The following NAA60 variants were observed in gnomAD, a reference collection of about 807,000 sequenced individuals.
NAA60 encodes N-alpha-acetyltransferase 60, NatF catalytic subunit.
NAA60 carries 8 observed loss-of-function variants against 26.1 expected under a neutral mutation model. The observed-to-expected ratio is 0.31, with a 90% CI of 0.18 to 0.55. NAA60 has a LOEUF of 0.55. NAA60 is among the 20% of genes least tolerant of loss of function. The pLI is 0.93. For missense variants in NAA60, 290 were observed against 311.3 expected (o/e 0.93, Z 0.51); for synonymous variants, 131 against 122.5 (o/e 1.07, Z -0.46).
intron 5 of NAA60, chr16:3,482,987 T>C (rs1218785035): frequency 4.3e-6 from 2 of 466,000 alleles, no homozygotes; most frequent in South Asian, 2.5e-5. Flanking sequence ...GTTTCTCCGA[T>C]GTCCCACCCC....
At chr16:3,444,314 C>G (rs961507311) in intron 1 of NAA60, among the ~76,000 whole-genome samples, 8 of 152,114 alleles carry the variant, frequency 5.3e-5, no homozygotes, top group African/African-American at 1.4e-4. Context: ...GGTTGGTAAT[C>G]TTGGCCAGTT....
chr16:3,449,887 A>G (rs546699601), intron 2 of NAA60: 7 of 388,482 alleles, frequency 1.8e-5, no homozygotes, highest in African/African-American at 1.2e-4. Flanking sequence ...ACCATGTGAG[A>G]CATGCCTTTT....
intron 2 of NAA60, among the ~76,000 whole-genome samples, chr16:3,469,834 G>C (rs544683313): frequency 1.3e-5 from 2 of 152,354 alleles, no homozygotes; most frequent in South Asian, 2.1e-4. Flanking sequence ...GTTCACACAG[G>C]TGTTGCATGA....
intron 2 of NAA60, among the ~76,000 whole-genome samples, chr16:3,464,708 A>G (rs2035628667): frequency 6.6e-6 from 1 of 152,160 alleles, no homozygotes; most frequent in Non-Finnish European, 1.5e-5. Flanking sequence ...ACCTGGTATT[A>G]TTTACAGGTA....
chr16:3,456,565 G>C (rs977728914), intron 2 of NAA60, among the ~76,000 whole-genome samples: 42 of 151,992 alleles, frequency 2.8e-4, no homozygotes, highest in Non-Finnish European at 5.6e-4. Flanking sequence ...TGACACAGAA[G>C]TTGCCAACAT....
chr16:3,443,808 C>A lies in NAA60; in HGVS notation c.-106C>A. On this transcript the variant is annotated 5_prime_UTR_variant, in exon 1 of 8. Coordinates refer to ENST00000407558, the MANE Select transcript of NAA60 (RefSeq NM_001083601.3). ...GGACAGAAAGAAGACTGGGAGACAC[C>A]GGAACTCGAAAGAAAATCGGTAACA... 2 of 1,534,512 alleles carry A rather than the reference C, an allele frequency of 1.3e-6. No homozygotes were observed. Among genetic ancestry groups the A allele is most frequent in the South Asian group, 1.2e-5 (1 of 83,968 alleles).
At chr16:3,473,946 C>T (rs762202504) in intron 2 of NAA60, among the ~76,000 whole-genome samples, 2 of 152,122 alleles carry the variant, frequency 1.3e-5, no homozygotes, top group Non-Finnish European at 2.9e-5. Flanking sequence ...GTTGGCCAGG[C>T]TGGTCTTGAA....
intron 2 of NAA60, among the ~76,000 whole-genome samples, chr16:3,474,612 C>T (rs1002442295): frequency 1.3e-5 from 2 of 152,216 alleles, no homozygotes; most frequent in African/African-American, 4.8e-5. Context: ...AGGCTGGGCT[C>T]GCCCTGCCAG....
chr16:3,482,493 T>C lies in NAA60; in HGVS notation c.241-9T>C. ...GTGAGCCTGACTTTCTCTCTGACTC[T>C]TCCTCTAGGATGGAGATATTCTAGC... is the stretch of plus-strand genomic sequence containing the variant. On this transcript the variant is annotated splice_polypyrimidine_tract_variant and intron_variant, in intron 4 of 7. Coordinates refer to ENST00000407558, the MANE Select transcript of NAA60 (RefSeq NM_001083601.3). The C allele has an allele frequency of 6.3e-7, 1 of 1,589,682 alleles. No individual in the cohort carries two copies. Among genetic ancestry groups the C allele is most frequent in the Non-Finnish European group, 8.6e-7 (1 of 1,166,770 alleles).
Position 3,485,269 on chromosome 16 carries a change from G to A in NAA60, c.*207-198G>A, listed in dbSNP as rs561226801. On this transcript the variant is annotated intron_variant, in intron 7 of 7. Transcript: ENST00000407558. ...TCCATGGCAACTGGGCTGTGCACCC[G>A]ACTTTGGATCCATCAGTGCCTTTAT... 9 of 616,422 alleles carry A rather than the reference G, an allele frequency of 1.5e-5. No homozygotes were observed. In the East Asian group the frequency reaches 1.7e-4, roughly 12 times the overall value. 38.2% of individuals were successfully genotyped at this position (616,422 alleles called of 1,614,324 possible). A position where few individuals can be genotyped will look rare whatever the true frequency, so the allele number is the denominator to read the frequency against.
At position 3,482,455 on chromosome 16, in the gene NAA60, G is replaced by A. The variant is rs146609119; in HGVS notation, c.241-47G>A. 1,127 of 1,466,784 alleles carry A rather than the reference G, an allele frequency of 7.7e-4. 10 individuals carry two copies. The African/African-American group carries it at 0.012, about 16-fold the overall frequency. 90.9% of individuals were successfully genotyped at this position (1,466,784 alleles called of 1,614,324 possible). A position where few individuals can be genotyped will look rare whatever the true frequency, so the allele number is the denominator to read the frequency against. ...CCTGGGCCGGGCTGTGCAGTGAGCC[G>A]TGCACCAGACGTGTGAGCCTGACTT... On this transcript the variant is annotated intron_variant, in intron 4 of 7. Coordinates refer to ENST00000407558, the MANE Select transcript of NAA60 (RefSeq NM_001083601.3).
chr16:3,476,666 G>C (rs1476130700), intron 3 of NAA60, among the ~76,000 whole-genome samples: 1 of 152,124 alleles, frequency 6.6e-6, no homozygotes, highest in Non-Finnish European at 1.5e-5. Context: ...ACATGCATTA[G>C]AGTAATTAGA....
At chr16:3,470,797 C>T (rs549993612) in intron 2 of NAA60, among the ~76,000 whole-genome samples, 1 of 152,356 alleles carries the variant, frequency 6.6e-6, no homozygotes, top group African/African-American at 2.4e-5. Context: ...CAGCAGTGGA[C>T]CTACAGCCAT....
In NAA60 at chr16:3,448,588, C is replaced by A; in HGVS notation, c.-7+48C>A. On this transcript the variant is annotated intron_variant, in intron 2 of 7. Transcript: ENST00000407558. ...CTGCTATTAATGATGCCCTCATAGT[C>A]AGAGGAAGCCTACTTAAGTGAAATC... 6 of 1,449,170 alleles carry A rather than the reference C, an allele frequency of 4.1e-6. No individual in the cohort carries two copies. The South Asian group carries it at 5.0e-5, about 12-fold the overall frequency. 89.8% of individuals were successfully genotyped at this position (1,449,170 alleles called of 1,614,324 possible).
intron 1 of NAA60, among the ~76,000 whole-genome samples, chr16:3,444,132 A>G (rs2034453135): frequency 6.6e-6 from 1 of 152,168 alleles, no homozygotes; most frequent in Admixed American, 6.5e-5. Flanking sequence ...ATCCCACGCG[A>G]GAATAGAGCC....
Position 3,462,086 on chromosome 16 carries a change from C to CAAAAAAAAAAAAAA in NAA60, c.-7+13552_-7+13565dup, listed in dbSNP as rs1228233879. 6.0e-4 allele frequency among the ~76,000 whole-genome samples: 46 copies of CAAAAAAAAAAAAAA among 76,780 alleles called. 3 individuals carry two copies. Among genetic ancestry groups the CAAAAAAAAAAAAAA allele is most frequent in the Middle Eastern group, 7.8e-3 (1 of 128 alleles). The allele number at this position is 76,780 out of a possible 152,430, so 50.4% of individuals were successfully genotyped here. ...GGAGTGATAGAGCCAGACCTTATAT[C>CAAAAAAAAAAAAAA]AAAAAAAAAAAAAAAAAAACCTTTC... On this transcript the variant is annotated intron_variant, in intron 2 of 7. Transcript: ENST00000407558.
At chr16:3,444,973 A>G (rs537681263) in intron 1 of NAA60, among the ~76,000 whole-genome samples, 3 of 152,320 alleles carry the variant, frequency 2.0e-5, no homozygotes, top group African/African-American at 7.2e-5. Context: ...GATGTGGAAA[A>G]TAAGTTAGAT....
At chr16:3,477,447 G>T (rs1229459687) in intron 3 of NAA60, among the ~76,000 whole-genome samples, 2 of 152,214 alleles carry the variant, frequency 1.3e-5, no homozygotes, top group Non-Finnish European at 2.9e-5. Flanking sequence ...GTGCGTCTTT[G>T]TGGAAGCGGG....
chr16:3,482,742 C>T, intron 5 of NAA60, 144 bp downstream of exon 5: 1 of 669,368 alleles, frequency 1.5e-6, no homozygotes, highest in Non-Finnish European at 2.7e-6. Flanking sequence ...CATCCTCGTT[C>T]CCGTCTTGGG....
Sources: allele counts gnomAD v4.1 joint callset (sites outside exome capture counted in the v4.1 genomes callset), GRCh38; gene constraint gnomAD v4.1.1; transcripts MANE v1.5; gene names NCBI Gene and HGNC (gene_info 2026-07-23, HGNC 2026-07-21).